The following FOXO1 variants were observed in gnomAD, a reference collection of about 807,000 sequenced individuals.
The protein encoded by FOXO1 is forkhead box O1, also known as forkhead box protein O1.
Under a neutral mutation model 44.1 loss-of-function variants are expected in FOXO1, and 6 were observed. The ratio of observed to expected loss-of-function variants is 0.14; its 90% confidence interval spans 0.07 to 0.27. The LOEUF (loss-of-function observed/expected upper bound fraction) is 0.27. Ranked by LOEUF, FOXO1 falls within the 10% of genes least tolerant of loss-of-function variation. The pLI is 1.00. For synonymous variants in FOXO1, 380 were observed against 362.7 expected (o/e 1.05, Z -0.54); for missense variants, 737 against 888.8 (o/e 0.83, Z 2.17).
intron 1 of FOXO1, among the ~76,000 whole-genome samples, chr13:40,624,424 C>T (rs989814154): frequency 7.3e-5 from 11 of 150,754 alleles, no homozygotes; most frequent in Admixed American, 6.6e-4. Context: ...TGCAGCAATG[C>T]TTTGCTTTAT....
intron 1 of FOXO1, among the ~76,000 whole-genome samples, chr13:40,663,478 G>A (rs954257196): frequency 6.6e-6 from 1 of 152,006 alleles, no homozygotes; most frequent in Non-Finnish European, 1.5e-5. Flanking sequence ...AAGGACTAAA[G>A]AATGGTGTAA....
chr13:40,666,532 C>A lies in FOXO1; in HGVS notation c.-320G>T. On this transcript the variant is annotated 5_prime_UTR_variant, in exon 1 of 3. Coordinates refer to ENST00000379561, the MANE Select transcript of FOXO1 (RefSeq NM_002015.4). The stretch of plus-strand genomic sequence containing the variant: ...CGCGGACGGAAGGACGGACGGACGC[C>A]GCGGGCCGCTTGCTCTCCCCAGCGG... 3.6e-6 allele frequency: 1 copy of A among 274,634 alleles called. No individual in the cohort carries two copies. 17.0% of individuals were successfully genotyped at this position (274,634 alleles called of 1,614,324 possible). A position where few individuals can be genotyped will look rare whatever the true frequency, so the allele number is the denominator to read the frequency against.
chr13:40,583,483 T>C (rs189624619), intron 1 of FOXO1, among the ~76,000 whole-genome samples: 1 of 152,210 alleles, frequency 6.6e-6, no homozygotes, highest in Non-Finnish European at 1.5e-5. Context: ...ACATTGAAAA[T>C]CTGTTGTTTA....
intron 1 of FOXO1, among the ~76,000 whole-genome samples, chr13:40,649,435 C>T (rs1877608391): frequency 6.6e-6 from 1 of 152,156 alleles, no homozygotes; most frequent in Non-Finnish European, 1.5e-5. Flanking sequence ...TTGATGACTT[C>T]TGTGGATGAA....
At chr13:40,639,636 G>A (rs1430508984) in intron 1 of FOXO1, among the ~76,000 whole-genome samples, 1 of 152,186 alleles carries the variant, frequency 6.6e-6, no homozygotes. Flanking sequence ...ATGGGAGGTC[G>A]GTCCTGTGCT....
chr13:40,609,211 A>G (rs571854197), intron 1 of FOXO1, among the ~76,000 whole-genome samples: 63 of 152,346 alleles, frequency 4.1e-4, no homozygotes, highest in Admixed American at 1.1e-3. Context: ...TTTGGATGAC[A>G]AAACATATTA....
chr13:40,657,895 T>A (rs540834208), intron 1 of FOXO1, among the ~76,000 whole-genome samples: 1 of 152,336 alleles, frequency 6.6e-6, no homozygotes, highest in South Asian at 2.1e-4. Flanking sequence ...TTAGTTATAC[T>A]ACTTCTTAAA....
intron 1 of FOXO1, among the ~76,000 whole-genome samples, chr13:40,628,959 C>A (rs1445271863): frequency 6.7e-6 from 1 of 150,250 alleles, no homozygotes; most frequent in Non-Finnish European, 1.5e-5. Context: ...GAATAAAATA[C>A]ACTTACCCAA....
chr13:40,662,453 G>A (rs995109837), intron 1 of FOXO1, among the ~76,000 whole-genome samples: 2 of 152,130 alleles, frequency 1.3e-5, no homozygotes, highest in African/African-American at 4.8e-5. Flanking sequence ...TACTGCACTA[G>A]ATTTAGAAGA....
chr13:40,622,081 A>C (rs1354690193), intron 1 of FOXO1, among the ~76,000 whole-genome samples: 2 of 152,216 alleles, frequency 1.3e-5, no homozygotes, highest in African/African-American at 4.8e-5. Flanking sequence ...ATACTGAACA[A>C]GTATTTATTC....
At chr13:40,599,761 A>C (rs1313078933) in intron 1 of FOXO1, among the ~76,000 whole-genome samples, 1 of 152,164 alleles carries the variant, frequency 6.6e-6, no homozygotes, top group Non-Finnish European at 1.5e-5. Flanking sequence ...GGAAGCTGGA[A>C]AGATGGGCCT....
intron 1 of FOXO1, chr13:40,620,618 C>T (rs755303527): frequency 9.9e-6 from 4 of 403,500 alleles, no homozygotes; most frequent in Middle Eastern, 4.4e-4. Flanking sequence ...ACCTTAGGTA[C>T]AGTTACTGAC....
At chr13:40,578,772 C>G (rs1874853564) in intron 1 of FOXO1, among the ~76,000 whole-genome samples, 2 of 152,306 alleles carry the variant, frequency 1.3e-5, no homozygotes, top group South Asian at 4.1e-4. Context: ...TTTTTTAGAG[C>G]CTTGAGTACA....
At position 40,559,851 on chromosome 13, in the gene FOXO1, G is replaced by A. The variant is rs1419978485; in HGVS notation, c.1640C>T (p.Pro547Leu). The change falls in exon 2 of 3, where the codon CCC (proline) becomes CTC (leucine). Residue 547 changes from proline to leucine, a missense_variant. By Grantham distance (98) the Pro-to-Leu change is moderately conservative (BLOSUM62 -3). Transcript: ENST00000379561. Reference sequence around the variant, plus strand: ...CAGGCGGTTCATACCCGAGGTGTGGGGCATGGTGCTTACCGTGTGGGGCAG... The same window carrying A: ...CAGGCGGTTCATACCCGAGGTGTGGAGCATGGTGCTTACCGTGTGGGGCAG... ...RPLPHTVSTM[P>L]HTSGMNRLTQ... The A allele has an allele frequency of 1.9e-6, 3 of 1,613,984 alleles. No homozygotes were observed. Among genetic ancestry groups the A allele is most frequent in the East Asian group, 2.2e-5 (1 of 44,892 alleles).
intron 1 of FOXO1, among the ~76,000 whole-genome samples, chr13:40,659,694 T>C (rs1877977394): frequency 6.6e-6 from 1 of 152,118 alleles, no homozygotes; most frequent in Admixed American, 6.6e-5. Context: ...AAAAAAAAAG[T>C]AGCCCAAATG....
At chr13:40,611,041 A>T in intron 1 of FOXO1, 1 of 456,300 alleles carries the variant, frequency 2.2e-6, no homozygotes, top group Non-Finnish European at 4.4e-6. Flanking sequence ...CTCTCAACTG[A>T]ACGTGAGGAG....
chr13:40,650,544 G>A (rs1877646246), intron 1 of FOXO1, among the ~76,000 whole-genome samples: 1 of 152,132 alleles, frequency 6.6e-6, no homozygotes, highest in Non-Finnish European at 1.5e-5. Flanking sequence ...GGCACCAAAG[G>A]AAGGACAGTA....
chr13:40,559,945 T>TAG lies in FOXO1; in HGVS notation c.1545_1546insCT (p.Met516LeufsTer2). On this transcript the variant is annotated frameshift_variant, in exon 2 of 3. Transcript: ENST00000379561. LOFTEE classifies it high-confidence loss of function. ...TGGGTATGGGAGCTGGGATTCATCA[T>TAG]TTTGTTATGAGATGCCTGGCTGCCA... The TAG allele has an allele frequency of 6.2e-7, 1 of 1,614,156 alleles. No individual in the cohort carries two copies.
At chr13:40,585,343 G>GCGCGCGCGCACACACA (rs10623475) in intron 1 of FOXO1, among the ~76,000 whole-genome samples, 5 of 147,020 alleles carry the variant, frequency 3.4e-5, no homozygotes, top group African/African-American at 1.3e-4. Context: ...CTGCGCGCGC[G>GCGCGCGCGCACACACA]CACACACACA....
Sources: gnomAD v4.1 joint callset for allele counts (sites outside exome capture counted in the v4.1 genomes callset) on GRCh38, gnomAD v4.1.1 for gene constraint, MANE v1.5 for transcripts, NCBI Gene and HGNC (gene_info 2026-07-23, HGNC 2026-07-21) for gene names.